The following NSMCE2 variants were observed in gnomAD, a reference collection of about 807,000 sequenced individuals.
NSMCE2 encodes the protein E3 SUMO-protein ligase NSE2.
In NSMCE2, 24 loss-of-function variants were observed where a neutral mutation model predicts 23.8. The observed-to-expected ratio is 1.01, with a 90% confidence interval of 0.73 to 1.42. The LOEUF (loss-of-function observed/expected upper bound fraction) is 1.42. Ranked by LOEUF, NSMCE2 falls within the 40% of genes most tolerant of loss-of-function variation. The probability of loss-of-function intolerance (pLI) is 0.00; values close to 1 mark genes in which losing one functional copy is unlikely to be tolerated. For synonymous variants in NSMCE2, 92 were observed against 94.1 expected (o/e 0.98, Z 0.13); for missense variants, 284 against 296.5 (o/e 0.96, Z 0.31).
At chr8:125,211,920 A>G (rs1242409827) in intron 5 of NSMCE2, among the ~76,000 whole-genome samples, 1 of 152,140 alleles carries the variant, frequency 6.6e-6, no homozygotes, top group African/African-American at 2.4e-5. Flanking sequence ...CTTAACTTCC[A>G]GGAGAGTTCT....
Position 125,110,804 on chromosome 8 carries a change from A to AT in NSMCE2, c.157+8328dup, listed in dbSNP as rs1334561447. Reference sequence around the variant, plus strand: ...TTTTTTTTGAGGATAATGTTATCTGATTTTTTTTTTTAAATACCCAAATGA... The same window carrying AT: ...TTTTTTTTGAGGATAATGTTATCTGATTTTTTTTTTTTAAATACCCAAATGA... On this transcript the variant is annotated intron_variant, in intron 3 of 7. Coordinates refer to ENST00000287437, the MANE Select transcript of NSMCE2 (RefSeq NM_173685.4). Among the ~76,000 whole-genome samples, 164 of 28,582 alleles carry AT rather than the reference A, an allele frequency of 5.7e-3. 1 individual carries two copies. The highest frequency in any genetic ancestry group is 0.02 in the African/African-American group (138 of 7,012). 18.8% of individuals were successfully genotyped at this position (28,582 alleles called of 152,430 possible). A position where few individuals can be genotyped will look rare whatever the true frequency, so the allele number is the denominator to read the frequency against.
intron 3 of NSMCE2, among the ~76,000 whole-genome samples, chr8:125,129,673 A>G (rs1400154938): frequency 6.6e-6 from 1 of 152,138 alleles, no homozygotes; most frequent in Admixed American, 6.6e-5. Context: ...AAAATTGTTT[A>G]TACTAAATAA....
intron 3 of NSMCE2, among the ~76,000 whole-genome samples, chr8:125,112,379 G>T (rs1818801942): frequency 6.6e-6 from 1 of 152,152 alleles, no homozygotes. Flanking sequence ...ATATGATCTA[G>T]CAATCCCAGT....
chr8:125,218,728 A>T (rs1824715989), intron 5 of NSMCE2, among the ~76,000 whole-genome samples: 1 of 152,166 alleles, frequency 6.6e-6, no homozygotes, highest in South Asian at 2.1e-4. Context: ...TGAGATTTGT[A>T]AAAAATAAAT....
chr8:125,106,393 C>T (rs1238987671), intron 3 of NSMCE2, among the ~76,000 whole-genome samples: 1 of 152,084 alleles, frequency 6.6e-6, no homozygotes, highest in Admixed American at 6.6e-5. Flanking sequence ...AAAACTTTCA[C>T]TTTGGGCTGA....
intron 5 of NSMCE2, among the ~76,000 whole-genome samples, chr8:125,274,520 A>G (rs1251977640): frequency 6.6e-6 from 1 of 152,154 alleles, no homozygotes; most frequent in African/African-American, 2.4e-5. Flanking sequence ...GTTTTTTTGC[A>G]TATGGTCCAT....
intron 5 of NSMCE2, among the ~76,000 whole-genome samples, chr8:125,328,289 T>C (rs1469380158): frequency 6.6e-6 from 1 of 152,184 alleles, no homozygotes; most frequent in Non-Finnish European, 1.5e-5. Context: ...TTTTGAATTG[T>C]TTATGAGGTC....
intron 5 of NSMCE2, among the ~76,000 whole-genome samples, chr8:125,355,391 A>G (rs115757532): frequency 0.012 from 1,765 of 152,308 alleles, 44 homozygotes; most frequent in African/African-American, 0.039. Flanking sequence ...TACACCATCA[A>G]CATGTTTAGA....
chr8:125,149,355 A>T (rs73704542), intron 3 of NSMCE2, among the ~76,000 whole-genome samples: 1 of 152,144 alleles, frequency 6.6e-6, no homozygotes, highest in Admixed American at 6.6e-5. Context: ...CCAAATGTGA[A>T]TGGACTTTAC....
chr8:125,338,758 G>T (rs1830141532), intron 5 of NSMCE2, among the ~76,000 whole-genome samples: 1 of 152,114 alleles, frequency 6.6e-6, no homozygotes, highest in Non-Finnish European at 1.5e-5. Context: ...CAGTAGTTGG[G>T]TTATAAATGA....
chr8:125,256,814 AC>A (rs1826439614), intron 5 of NSMCE2, among the ~76,000 whole-genome samples: 1 of 150,704 alleles, frequency 6.6e-6, no homozygotes, highest in African/African-American at 2.4e-5. Context: ...AGTCCCAGCT[AC>A]TAGGGGAGGC....
chr8:125,337,912 A>G (rs895340592), intron 5 of NSMCE2, among the ~76,000 whole-genome samples: 3 of 151,650 alleles, frequency 2.0e-5, no homozygotes, highest in Admixed American at 2.0e-4. Context: ...AAAAGAAAGA[A>G]AGAAAACAAC....
chr8:125,357,130 C>G, intron 5 of NSMCE2, 89 bp from the exon 6 acceptor site: 1 of 829,564 alleles, frequency 1.2e-6, no homozygotes, highest in East Asian at 2.5e-5. Context: ...AAATGCTCCC[C>G]CAGAAACTCT....
Position 125,165,992 on chromosome 8 carries a change from A to G in NSMCE2, c.264+14715A>G, listed in dbSNP as rs893051947. On this transcript the variant is annotated intron_variant, in intron 4 of 7. Coordinates refer to ENST00000287437, the MANE Select transcript of NSMCE2 (RefSeq NM_173685.4). ...ATAAAGAGCATTAATAAACTGATGG[A>G]GTATTAATAATTTCATAATCTTTAT... Among the ~76,000 whole-genome samples, 3 of 152,184 alleles carry G rather than the reference A, an allele frequency of 2.0e-5. No individual in the cohort carries two copies. In the East Asian group the frequency reaches 5.8e-4, roughly 29 times the overall value.
intron 5 of NSMCE2, among the ~76,000 whole-genome samples, chr8:125,344,269 T>C (rs940283681): frequency 5.3e-5 from 8 of 152,200 alleles, no homozygotes; most frequent in African/African-American, 1.9e-4. Context: ...CAATATTATT[T>C]GGTCTCTTGA....
At chr8:125,352,753 A>C (rs1358574425) in intron 5 of NSMCE2, among the ~76,000 whole-genome samples, 2 of 152,110 alleles carry the variant, frequency 1.3e-5, no homozygotes, top group African/African-American at 4.8e-5. Context: ...ACTTATCACA[A>C]AGTTTTGTCT....
intron 4 of NSMCE2, among the ~76,000 whole-genome samples, chr8:125,158,546 A>G (rs1016237296): frequency 6.6e-6 from 1 of 152,202 alleles, no homozygotes; most frequent in Non-Finnish European, 1.5e-5. Flanking sequence ...CAGTGTGATT[A>G]TTAAACACCT....
intron 5 of NSMCE2, among the ~76,000 whole-genome samples, chr8:125,347,659 A>G (rs1340554595): frequency 6.6e-6 from 1 of 152,230 alleles, no homozygotes; most frequent in East Asian, 1.9e-4. Context: ...TTCCATTCAC[A>G]TGAAACAACA....
At chr8:125,350,570 GC>G (rs1812990615) in intron 5 of NSMCE2, among the ~76,000 whole-genome samples, 1 of 152,340 alleles carries the variant, frequency 6.6e-6, no homozygotes. Context: ...GTTCCACATG[GC>G]TGGGGAGGCC....
Sources: gnomAD v4.1 joint callset for allele counts (sites outside exome capture counted in the v4.1 genomes callset) on GRCh38, gnomAD v4.1.1 for gene constraint, MANE v1.5 for transcripts, NCBI Gene and HGNC (gene_info 2026-07-23, HGNC 2026-07-21) for gene names.